CADM2: variants seen among roughly 807,000 people sequenced by gnomAD.
CADM2 encodes cell adhesion molecule 2, also known as immunoglobulin superfamily member 4D.
Under a neutral mutation model 49.8 loss-of-function variants are expected in CADM2, and 12 were observed. The observed-to-expected ratio is 0.24, with a 90% CI of 0.15 to 0.39. CADM2 has a LOEUF of 0.39. Among genes scored for constraint, CADM2 ranks in the 10% least tolerant of loss-of-function variants. The pLI, the probability that CADM2 is intolerant of heterozygous loss-of-function variation, is 1.00. For synonymous variants in CADM2, 214 were observed against 175.4 expected, an observed-to-expected ratio of 1.22 and a Z score of -1.74; for missense variants, 378 against 492.3, an observed-to-expected ratio of 0.77 and a Z score of 2.20.
chr3:85,556,188 A>AAT (rs752773466), intron 1 of CADM2, among the ~76,000 whole-genome samples: 47 of 152,276 alleles, frequency 3.1e-4, no homozygotes, highest in South Asian at 6.2e-4. Context: ...ATCTTATAAT[A>AAT]AAGTAAGCTA....
At chr3:85,463,978 C>T (rs1375312643) in intron 1 of CADM2, among the ~76,000 whole-genome samples, 3 of 152,034 alleles carry the variant, frequency 2.0e-5, no homozygotes, top group Admixed American at 1.3e-4. Context: ...ACTCTAAATT[C>T]GAAAGATCAT....
chr3:85,607,946 C>T lies in CADM2; in HGVS notation c.62-118576C>T, dbSNP rs112429362. 3.9e-3 allele frequency among the ~76,000 whole-genome samples: 600 copies of T among 152,048 alleles called. 3 individuals are homozygous for T. Among genetic ancestry groups the T allele is most frequent in the African/African-American group, 0.013 (538 of 41,454 alleles). On this transcript the variant is annotated intron_variant, in intron 1 of 9. Coordinates refer to ENST00000383699, the MANE Select transcript of CADM2 (RefSeq NM_001167675.2). ...CTGGGATTACAGGTGTGAGCCACCA[C>T]GCCCGGCCAATAATTAGAAATTTAA... is the stretch of plus-strand genomic sequence containing the variant.
intron 1 of CADM2, among the ~76,000 whole-genome samples, chr3:85,345,313 CAAA>C (rs3085180): frequency 2.1e-5 from 1 of 47,176 alleles, no homozygotes; most frequent in Non-Finnish European, 3.5e-5. Context: ...GTCTCCATCT[CAAA>C]AAAAAAAAAA....
intron 1 of CADM2, among the ~76,000 whole-genome samples, chr3:85,673,452 G>T (rs2065803908): frequency 6.6e-6 from 1 of 150,810 alleles, no homozygotes; most frequent in African/African-American, 2.4e-5. Flanking sequence ...TAGTGTGCTT[G>T]CTTGGCAATT....
intron 1 of CADM2, among the ~76,000 whole-genome samples, chr3:85,285,089 C>T (rs1169854073): frequency 1.3e-5 from 2 of 151,936 alleles, no homozygotes; most frequent in African/African-American, 4.8e-5. Flanking sequence ...AGATGGGATG[C>T]GATTTGTGGT....
chr3:85,916,499 A>G (rs1444737768), intron 6 of CADM2, among the ~76,000 whole-genome samples: 1 of 151,736 alleles, frequency 6.6e-6, no homozygotes, highest in Non-Finnish European at 1.5e-5. Context: ...AAGGACATGA[A>G]CTCATCATTT....
chr3:85,044,181 A>G (rs1288818171), intron 1 of CADM2, among the ~76,000 whole-genome samples: 7 of 152,176 alleles, frequency 4.6e-5, no homozygotes, highest in African/African-American at 1.7e-4. Flanking sequence ...ATGACTTAAG[A>G]TGAATAGATT....
chr3:85,927,829 T>A (rs1297221913), intron 6 of CADM2, among the ~76,000 whole-genome samples: 1 of 136,060 alleles, frequency 7.3e-6, no homozygotes, highest in East Asian at 2.3e-4. Context: ...AGAAATACGT[T>A]GTTTTTTATT....
At chr3:85,298,209 C>T (rs897340963) in intron 1 of CADM2, among the ~76,000 whole-genome samples, 1 of 152,040 alleles carries the variant, frequency 6.6e-6, no homozygotes, top group Non-Finnish European at 1.5e-5. Flanking sequence ...TATGTTGATG[C>T]TACTGATGCT....
chr3:85,063,672 A>G (rs1161724405), intron 1 of CADM2, among the ~76,000 whole-genome samples: 1 of 152,066 alleles, frequency 6.6e-6, no homozygotes, highest in African/African-American at 2.4e-5. Context: ...TGCCCTCCAG[A>G]TAATGGGAAT....
At chr3:85,529,485 C>G (rs2061245969) in intron 1 of CADM2, among the ~76,000 whole-genome samples, 1 of 152,158 alleles carries the variant, frequency 6.6e-6, no homozygotes, top group South Asian at 2.1e-4. Context: ...GACCTTGTTG[C>G]TCTTTTAGTA....
intron 1 of CADM2, among the ~76,000 whole-genome samples, chr3:85,565,569 AT>A (rs1251763651): frequency 2.0e-5 from 3 of 152,116 alleles, no homozygotes; most frequent in East Asian, 1.9e-4. Context: ...CCATAAAAAA[AT>A]ACCTTTATTT....
At chr3:85,740,524 T>C (rs28720082) in intron 2 of CADM2, among the ~76,000 whole-genome samples, 30,978 of 152,122 alleles carry the variant, frequency 0.2, 3,844 homozygotes, top group African/African-American at 0.35. Flanking sequence ...TCATTATTAT[T>C]TGCACCGTCT....
chr3:86,059,558 A>G (rs933447228), intron 8 of CADM2, among the ~76,000 whole-genome samples: 2 of 152,214 alleles, frequency 1.3e-5, no homozygotes, highest in Non-Finnish European at 2.9e-5. Flanking sequence ...CAACATTAAC[A>G]GGCTAATGCC....
At chr3:85,987,164 T>A (rs1360737121) in intron 8 of CADM2, among the ~76,000 whole-genome samples, 2 of 152,184 alleles carry the variant, frequency 1.3e-5, no homozygotes, top group East Asian at 1.9e-4. Flanking sequence ...GGAAAATATC[T>A]GAGAAAACCT....
At chr3:85,930,252 T>A (rs1419895196) in intron 6 of CADM2, among the ~76,000 whole-genome samples, 1 of 152,162 alleles carries the variant, frequency 6.6e-6, no homozygotes, top group Non-Finnish European at 1.5e-5. Context: ...TGATATCCAA[T>A]GCAGATTATT....
intron 1 of CADM2, among the ~76,000 whole-genome samples, chr3:85,715,313 C>T (rs2067252021): frequency 6.6e-6 from 1 of 151,996 alleles, no homozygotes; most frequent in South Asian, 2.1e-4. Flanking sequence ...TTTACCAATA[C>T]CAATTATGAG....
intron 3 of CADM2, among the ~76,000 whole-genome samples, chr3:85,866,143 A>G (rs2075712793): frequency 6.6e-6 from 1 of 152,128 alleles, no homozygotes; most frequent in African/African-American, 2.4e-5. Flanking sequence ...CTTAAAAAAT[A>G]ATAATAATAA....
At chr3:85,315,451 A>G (rs1424412925) in intron 1 of CADM2, among the ~76,000 whole-genome samples, 1 of 152,170 alleles carries the variant, frequency 6.6e-6, no homozygotes, top group Non-Finnish European at 1.5e-5. Context: ...GAAAAACAAA[A>G]TTTGAAATTT....
Sources: gnomAD v4.1 joint callset for allele counts (sites outside exome capture counted in the v4.1 genomes callset) on GRCh38, gnomAD v4.1.1 for gene constraint, MANE v1.5 for transcripts, NCBI Gene and HGNC (gene_info 2026-07-23, HGNC 2026-07-21) for gene names.